The following EDA variants were observed in gnomAD, a reference collection of about 807,000 sequenced individuals.
The protein encoded by EDA is ectodysplasin A.
EDA carries 2 observed loss-of-function variants against 23.6 expected under a neutral mutation model. The observed-to-expected ratio is 0.08, with a 90% CI of 0.03 to 0.27. The LOEUF is 0.27. Among genes scored for constraint, EDA ranks in the 10% least tolerant of loss-of-function variants. The pLI is 1.00. For synonymous variants in EDA, 131 were observed against 132.0 expected (o/e 0.99, Z 0.05); for missense variants, 229 against 324.2 (o/e 0.71, Z 2.26).
intron 1 of EDA, among the ~76,000 whole-genome samples, chrX:69,732,242 AT>A (rs2013062327): frequency 9.1e-6 from 1 of 109,965 alleles, no homozygotes; most frequent in African/African-American, 3.3e-5. Flanking sequence ...TAATGCTATA[AT>A]TTCCCCCTTC....
chrX:69,930,127 A>G (rs1211357081), intron 1 of EDA, among the ~76,000 whole-genome samples: 1 of 111,864 alleles, frequency 8.9e-6, no homozygotes, highest in Non-Finnish European at 1.9e-5. Context: ...GGTTCTTTAT[A>G]TCCTCAGTGC....
chrX:69,781,676 A>G (rs755005477), intron 1 of EDA, among the ~76,000 whole-genome samples: 7 of 111,240 alleles, frequency 6.3e-5, no homozygotes, highest in African/African-American at 2.0e-4. Flanking sequence ...ATTCTTTCGT[A>G]TGACTTTCCG....
chrX:69,648,818 T>A (rs931275146), intron 1 of EDA, among the ~76,000 whole-genome samples: 6 of 111,721 alleles, frequency 5.4e-5, no homozygotes, highest in African/African-American at 2.0e-4. Flanking sequence ...TGGGTTTCTG[T>A]GTGTGCCTGA....
At chrX:69,623,134 T>C (rs1477863253) in intron 1 of EDA, among the ~76,000 whole-genome samples, 3 of 112,469 alleles carry the variant, frequency 2.7e-5, no homozygotes, top group African/African-American at 9.7e-5. Context: ...CTTGTTCCTC[T>C]TATTTAAAAG....
chrX:69,915,652 A>C (rs143071379), intron 1 of EDA, among the ~76,000 whole-genome samples: 103 of 110,253 alleles, frequency 9.3e-4, no homozygotes, highest in African/African-American at 3.4e-3. Flanking sequence ...TTGAGTGCCT[A>C]CTCTGCACTG....
chrX:69,761,863 A>G (rs1380566034), intron 1 of EDA, among the ~76,000 whole-genome samples: 1 of 111,824 alleles, frequency 8.9e-6, no homozygotes, highest in Non-Finnish European at 1.9e-5. Flanking sequence ...AAACCAAACA[A>G]ATATGCTTGT....
chrX:69,774,220 G>A (rs192957447), intron 1 of EDA, among the ~76,000 whole-genome samples: 171 of 112,028 alleles, frequency 1.5e-3, no homozygotes, highest in African/African-American at 5.4e-3. Context: ...GCCTTGGGTA[G>A]TTCCCTCACA....
chrX:69,903,139 A>G (rs2018121820), intron 1 of EDA, among the ~76,000 whole-genome samples: 1 of 111,646 alleles, frequency 9.0e-6, no homozygotes, highest in Non-Finnish European at 1.9e-5. Flanking sequence ...TTATTTGTCT[A>G]TTCATAAGTT....
At chrX:69,682,526 C>G (rs999015769) in intron 1 of EDA, among the ~76,000 whole-genome samples, 27 of 112,216 alleles carry the variant, frequency 2.4e-4, no homozygotes, top group Non-Finnish European at 4.1e-4. Context: ...TCTCCTCGTG[C>G]GCCGTTTTTT....
intron 2 of EDA, among the ~76,000 whole-genome samples, chrX:69,968,062 C>T (rs754630941): frequency 9.0e-6 from 1 of 111,331 alleles, no homozygotes; most frequent in Non-Finnish European, 1.9e-5. Flanking sequence ...TTATATTACA[C>T]CCGGGGACAC....
chrX:69,887,148 T>C (rs1231596395), intron 1 of EDA, among the ~76,000 whole-genome samples: 1 of 110,895 alleles, frequency 9.0e-6, no homozygotes, highest in Non-Finnish European at 1.9e-5. Flanking sequence ...ACCTCATCTC[T>C]ACAAAAATAA....
chrX:69,828,353 C>G (rs977736429), intron 1 of EDA, among the ~76,000 whole-genome samples: 2 of 112,423 alleles, frequency 1.8e-5, no homozygotes, highest in African/African-American at 6.5e-5. Context: ...ATCAGCGAGA[C>G]TCCGTGGGCG....
rs750928323 is a variant in EDA, at chrX:69,710,477, G to A, written c.396+93773G>A. 1.2e-4 allele frequency among the ~76,000 whole-genome samples: 13 copies of A among 111,304 alleles called. No individual in the cohort carries two copies. The East Asian group carries it at 2.5e-3, about 22-fold the overall frequency. On this transcript the variant is annotated intron_variant, in intron 1 of 7. Transcript: ENST00000374552. The stretch of plus-strand genomic sequence containing the variant: ...TGGCGTAGGATTGACTTGGCAATGC[G>A]GGCTCTTTTTTGGTTCCATATGAAC...
chrX:69,839,821 C>T (rs2016858106), intron 1 of EDA, among the ~76,000 whole-genome samples: 1 of 112,110 alleles, frequency 8.9e-6, no homozygotes, highest in Admixed American at 9.5e-5. Flanking sequence ...AACATGTGAT[C>T]AAATTGGTCA....
At chrX:69,826,674 TA>T (rs1363042025) in intron 1 of EDA, among the ~76,000 whole-genome samples, 2 of 110,046 alleles carry the variant, frequency 1.8e-5, no homozygotes, top group African/African-American at 6.6e-5. Flanking sequence ...CTGTGTCTTT[TA>T]ATTGGAGCAT....
chrX:69,904,836 G>A (rs1428734133), intron 1 of EDA, among the ~76,000 whole-genome samples: 1 of 111,921 alleles, frequency 8.9e-6, no homozygotes, highest in Non-Finnish European at 1.9e-5. Context: ...TTCCATCCAT[G>A]TTGTTGCAAA....
At chrX:69,624,927 T>C (rs1374180857) in intron 1 of EDA, among the ~76,000 whole-genome samples, 1 of 110,871 alleles carries the variant, frequency 9.0e-6, no homozygotes, top group Non-Finnish European at 1.9e-5. Context: ...CTTTGTTAGA[T>C]CTCAGATATC....
chrX:69,664,186 A>G (rs1052408520), intron 1 of EDA, among the ~76,000 whole-genome samples: 4 of 111,781 alleles, frequency 3.6e-5, no homozygotes, highest in Admixed American at 1.9e-4. Flanking sequence ...CAACGGTGGA[A>G]TGATATGGTT....
At position 69,972,774 on chromosome X, in the gene EDA, C is replaced by T. The variant is rs764880292; in HGVS notation, c.502+15642C>T. Reference sequence around the variant, plus strand: ...AATTTTTAAAATGTAAAGCCCTGGGCAAATCTGAGTTCTGTATCCCCTTAT... The same window carrying T: ...AATTTTTAAAATGTAAAGCCCTGGGTAAATCTGAGTTCTGTATCCCCTTAT... On this transcript the variant is annotated intron_variant, in intron 2 of 7. Coordinates refer to ENST00000374552, the MANE Select transcript of EDA (RefSeq NM_001399.5). Among the ~76,000 whole-genome samples the T allele has an allele frequency of 4.5e-5, 5 of 111,516 alleles. No individual in the cohort carries two copies. The East Asian group carries it at 1.4e-3, about 32-fold the overall frequency.
Sources: gnomAD v4.1 joint callset for allele counts (sites outside exome capture counted in the v4.1 genomes callset) on GRCh38, gnomAD v4.1.1 for gene constraint, MANE v1.5 for transcripts, NCBI Gene and HGNC (gene_info 2026-07-23, HGNC 2026-07-21) for gene names.